HTR1E: variants seen among roughly 807,000 people sequenced by gnomAD.
HTR1E encodes the protein 5-hydroxytryptamine receptor 1E.
In HTR1E, 3 loss-of-function variants were observed where a neutral mutation model predicts 3.4. That is an observed-to-expected ratio of 0.89 (90% CI 0.41 to 2.31). The LOEUF (loss-of-function observed/expected upper bound fraction) is 2.31, where lower values mean the gene tolerates loss of function less well. Among genes scored for constraint, HTR1E ranks in the 30% most tolerant of loss-of-function variants. HTR1E has a pLI of 0.05. For missense variants in HTR1E, 392 were observed against 467.0 expected, an observed-to-expected ratio of 0.84 and a Z score of 1.48; for synonymous variants, 170 against 182.8, an observed-to-expected ratio of 0.93 and a Z score of 0.56.
At position 87,016,207 on chromosome 6, in the gene HTR1E, C is replaced by T. The variant is rs1383948527; in HGVS notation, c.873C>T (p.Arg291=). Residue 291 remains arginine, a synonymous_variant, in exon 2 of 2, where the codon CGC becomes CGT. Transcript: ENST00000305344. ...ISSTRERKAA[R]ILGLILGAFI... is the part of the protein sequence containing the mutation. ...GCACCAGGGAACGGAAGGCAGCACG[C>T]ATCCTGGGGCTGATTCTGGGTGCAT... 1 of 1,614,126 alleles carries T rather than the reference C, an allele frequency of 6.2e-7. No individual in the cohort carries two copies. The highest frequency in any genetic ancestry group is 8.5e-7 in the Non-Finnish European group (1 of 1,180,006).
At chr6:87,013,232 TC>T (rs35388857) in intron 1 of HTR1E, among the ~76,000 whole-genome samples, 1 of 152,230 alleles carries the variant, frequency 6.6e-6, no homozygotes, top group African/African-American at 2.4e-5. Flanking sequence ...TAACCTCATC[TC>T]CCTGGTGCTC....
chr6:87,003,950 C>G (rs1768065673), intron 1 of HTR1E, among the ~76,000 whole-genome samples: 2 of 152,158 alleles, frequency 1.3e-5, no homozygotes, highest in Admixed American at 6.5e-5. Flanking sequence ...CAGAGAAATT[C>G]AAAAGATCGT....
chr6:86,957,855 C>T (rs1037343268), intron 1 of HTR1E, among the ~76,000 whole-genome samples: 1 of 152,102 alleles, frequency 6.6e-6, no homozygotes, highest in East Asian at 1.9e-4. Flanking sequence ...CAAAAGCCTA[C>T]AGGAGCACAG....
At chr6:86,991,883 T>C (rs1767873703) in intron 1 of HTR1E, among the ~76,000 whole-genome samples, 1 of 152,146 alleles carries the variant, frequency 6.6e-6, no homozygotes, top group Non-Finnish European at 1.5e-5. Context: ...TTGGAGACAT[T>C]TCTCTAAATT....
chr6:86,986,756 AG>A (rs1319085190), intron 1 of HTR1E, among the ~76,000 whole-genome samples: 1 of 152,234 alleles, frequency 6.6e-6, no homozygotes, highest in African/African-American at 2.4e-5. Context: ...AATTCTGCTT[AG>A]TGCTACTAAT....
chr6:87,008,612 G>A (rs1391444613), intron 1 of HTR1E, among the ~76,000 whole-genome samples: 4 of 152,126 alleles, frequency 2.6e-5, no homozygotes, highest in Admixed American at 6.5e-5. Context: ...CATTCTCTGT[G>A]GGGAAAGGTG....
chr6:87,001,693 G>A (rs1355697647), intron 1 of HTR1E, among the ~76,000 whole-genome samples: 1 of 152,206 alleles, frequency 6.6e-6, no homozygotes, highest in Non-Finnish European at 1.5e-5. Context: ...GCATCTTATT[G>A]TCTGGATGTA....
At position 87,015,623 on chromosome 6, in the gene HTR1E, G is replaced by A. The variant is rs1173668020; in HGVS notation, c.289G>A (p.Val97Met). Residue 97 changes from valine to methionine, a missense_variant, in exon 2 of 2, where the codon GTG becomes ATG. Physicochemically the swap from Val to Met is conservative, Grantham distance 21 (BLOSUM62 1). Around this residue, in one of 3 missense-constraint regions of HTR1E, gnomAD observed 189 missense variants for 258.0 expected, o/e 0.73. Coordinates refer to ENST00000305344, the MANE Select transcript of HTR1E (RefSeq NM_000865.3). ...RWKLGYFLCEVWLSVDMTCCT... is the reference protein window; with the variant it reads ...RWKLGYFLCEMWLSVDMTCCT... ...GAAGCTTGGGTACTTCCTCTGTGAG[G>A]TGTGGCTGAGTGTGGACATGACCTG... The A allele has an allele frequency of 3.1e-6, 5 of 1,614,192 alleles. No homozygotes were observed. The highest frequency in any genetic ancestry group is 4.2e-6 in the Non-Finnish European group (5 of 1,180,034).
At chr6:86,977,819 G>A (rs1374313887) in intron 1 of HTR1E, among the ~76,000 whole-genome samples, 1 of 152,112 alleles carries the variant, frequency 6.6e-6, no homozygotes, top group Non-Finnish European at 1.5e-5. Context: ...TAGTGATGTG[G>A]AGCATTTTTC....
At chr6:86,944,205 A>G (rs1257859200) in intron 1 of HTR1E, among the ~76,000 whole-genome samples, 3 of 152,230 alleles carry the variant, frequency 2.0e-5, no homozygotes, top group Non-Finnish European at 2.9e-5. Context: ...TTGTAACCTG[A>G]TATCAGAAGT....
intron 1 of HTR1E, among the ~76,000 whole-genome samples, chr6:87,009,920 G>C (rs1768181536): frequency 8.0e-6 from 1 of 124,890 alleles, no homozygotes; most frequent in South Asian, 2.6e-4. Flanking sequence ...GGGGCGGCTG[G>C]CCGGGCAGAG....
intron 1 of HTR1E, among the ~76,000 whole-genome samples, chr6:86,961,961 G>C (rs56688804): frequency 0.16 from 24,163 of 151,856 alleles, 2,220 homozygotes; most frequent in East Asian, 0.29. Flanking sequence ...CACTTAGTTA[G>C]TTACGTGCAT....
At chr6:86,974,097 A>C (rs1767596754) in intron 1 of HTR1E, among the ~76,000 whole-genome samples, 1 of 152,058 alleles carries the variant, frequency 6.6e-6, no homozygotes, top group Non-Finnish European at 1.5e-5. Context: ...CCCTCCTTTG[A>C]TTTTTATGTT....
At chr6:86,942,899 G>T (rs953632714) in intron 1 of HTR1E, among the ~76,000 whole-genome samples, 2 of 152,162 alleles carry the variant, frequency 1.3e-5, no homozygotes, top group Non-Finnish European at 2.9e-5. Flanking sequence ...GGAAGCAAAA[G>T]TCTCAAAGCT....
intron 1 of HTR1E, among the ~76,000 whole-genome samples, chr6:86,995,184 C>T (rs1029643370): frequency 4.6e-5 from 7 of 151,950 alleles, no homozygotes; most frequent in African/African-American, 1.7e-4. Flanking sequence ...GGAGCCGTGG[C>T]TCACACCTAT....
At chr6:86,955,296 T>C (rs1197263163) in intron 1 of HTR1E, among the ~76,000 whole-genome samples, 1 of 152,252 alleles carries the variant, frequency 6.6e-6, no homozygotes, top group Non-Finnish European at 1.5e-5. Context: ...CTGTCACTGC[T>C]ATTCTGTATG....
At chr6:86,959,620 A>G (rs796277753) in intron 1 of HTR1E, among the ~76,000 whole-genome samples, 16 of 152,274 alleles carry the variant, frequency 1.1e-4, no homozygotes, top group African/African-American at 3.6e-4. Flanking sequence ...ATTCATCATC[A>G]TGGGCAGGAT....
At chr6:86,989,778 T>C (rs1767847984) in intron 1 of HTR1E, among the ~76,000 whole-genome samples, 1 of 152,180 alleles carries the variant, frequency 6.6e-6, no homozygotes, top group Non-Finnish European at 1.5e-5. Flanking sequence ...GGAGTGTCTT[T>C]TTCAGAGTCA....
intron 1 of HTR1E, among the ~76,000 whole-genome samples, chr6:86,953,184 C>G (rs1244050776): frequency 6.6e-6 from 1 of 152,088 alleles, no homozygotes; most frequent in Non-Finnish European, 1.5e-5. Flanking sequence ...AGATACAAAA[C>G]CACAGACTTT....
Sources: gnomAD v4.1 joint callset for allele counts (sites outside exome capture counted in the v4.1 genomes callset) on GRCh38, gnomAD v4.1.1 for gene constraint, gnomAD v4.1.1 regional missense constraint, MANE v1.5 for transcripts, NCBI Gene and HGNC (gene_info 2026-07-23, HGNC 2026-07-21) for gene names.